SORCS1: variants seen among roughly 807,000 people sequenced by gnomAD.
SORCS1 encodes the protein sortilin related VPS10 domain containing receptor 1, also known as VPS10 domain-containing receptor SorCS1.
Under a neutral mutation model 146.1 loss-of-function variants are expected in SORCS1, and 60 were observed. The ratio of observed to expected loss-of-function variants is 0.41; its 90% CI spans 0.33 to 0.51. The LOEUF is 0.51. SORCS1 is among the 20% of genes least tolerant of loss of function. The pLI is 0.21. For missense variants in SORCS1, 1,352 were observed against 1,487.6 expected, an observed-to-expected ratio of 0.91 and a Z score of 1.50; for synonymous variants, 637 against 584.0, an observed-to-expected ratio of 1.09 and a Z score of -1.31.
intron 5 of SORCS1, among the ~76,000 whole-genome samples, chr10:106,736,992 C>T (rs1194897417): frequency 1.3e-5 from 2 of 152,106 alleles, no homozygotes; most frequent in Non-Finnish European, 2.9e-5. Context: ...CCTTACTCCC[C>T]AAGCCAGAAG....
At chr10:107,152,465 A>C (rs1645777191) in intron 1 of SORCS1, among the ~76,000 whole-genome samples, 1 of 152,114 alleles carries the variant, frequency 6.6e-6, no homozygotes, top group Admixed American at 6.5e-5. Context: ...AGCTACAGAC[A>C]CTCAATGCCA....
chr10:106,714,813 C>T (rs1191169270), intron 6 of SORCS1, among the ~76,000 whole-genome samples: 2 of 152,172 alleles, frequency 1.3e-5, no homozygotes, highest in African/African-American at 4.8e-5. Context: ...GTGAGATCAA[C>T]TGTCTCTAAT....
At chr10:107,179,668 C>A in the SORCS1 span, among the ~76,000 whole-genome samples, 1 of 152,050 alleles carries the variant, frequency 6.6e-6, no homozygotes, top group African/African-American at 2.4e-5. Flanking sequence ...ATTTGCATTT[C>A]TCTTATGGAT....
chr10:106,667,922 AAC>A (rs1447095925), intron 16 of SORCS1, 120 bp from the exon 17 acceptor site: 11 of 494,296 alleles, frequency 2.2e-5, no homozygotes, highest in South Asian at 4.8e-5. Context: ...CAAAAATAAA[AAC>A]AAAAAAAAAA....
intron 9 of SORCS1, among the ~76,000 whole-genome samples, chr10:106,693,109 T>G (rs574890524): frequency 6.6e-6 from 1 of 152,288 alleles, no homozygotes; most frequent in African/African-American, 2.4e-5. Flanking sequence ...AGTTCCAATA[T>G]ATCTCATTAT....
chr10:107,024,366 C>A (rs1958299952), intron 1 of SORCS1, among the ~76,000 whole-genome samples: 1 of 151,812 alleles, frequency 6.6e-6, no homozygotes, highest in African/African-American at 2.4e-5. Flanking sequence ...AAGAGAGTTA[C>A]CAGGCTCTTT....
chr10:106,584,677 G>A (rs1184050947), intron 24 of SORCS1, among the ~76,000 whole-genome samples: 1 of 152,194 alleles, frequency 6.6e-6, no homozygotes, highest in Non-Finnish European at 1.5e-5. Flanking sequence ...AGTGCTAACT[G>A]ATTAATGAAT....
intron 1 of SORCS1, among the ~76,000 whole-genome samples, chr10:106,958,491 C>T (rs822093): frequency 0.23 from 35,659 of 152,102 alleles, 7,132 homozygotes; most frequent in African/African-American, 0.51. Flanking sequence ...TCAGTGAACA[C>T]ATTCTTAACT....
At position 106,577,526 on chromosome 10, in the gene SORCS1, G is replaced by C. The variant is rs2133181025; in HGVS notation, c.3401C>G (p.Pro1134Arg). Reference protein sequence around the residue: ...RRVALPSPPSPSTQPGDSSLR... With the variant: ...RRVALPSPPSRSTQPGDSSLR... Reference sequence around the variant, plus strand: ...AGATGAGTCACCAGGTTGAGTAGAAGGGGAGGGAGGGGAGGGTAAAGCTAC... The same window carrying C: ...AGATGAGTCACCAGGTTGAGTAGAACGGGAGGGAGGGGAGGGTAAAGCTAC... Residue 1134 changes from proline to arginine, a missense_variant, in exon 26 of 26, where the codon CCT (proline) becomes CGT (arginine). Physicochemically the swap from Pro to Arg is moderately radical, Grantham distance 103. This residue lies in a region of SORCS1 where 214 missense variants were observed against 204.8 expected (regional missense o/e 1.05). Transcript: ENST00000263054. The C allele has an allele frequency of 1.9e-6, 3 of 1,609,934 alleles. 1 individual carries two copies. In the East Asian group the frequency reaches 6.7e-5, roughly 36 times the overall value.
intron 3 of SORCS1, among the ~76,000 whole-genome samples, chr10:106,784,680 C>T (rs996841953): frequency 6.6e-6 from 1 of 152,066 alleles, no homozygotes; most frequent in African/African-American, 2.4e-5. Context: ...TCAGAAGGAG[C>T]CATGATGCTA....
intron 2 of SORCS1, among the ~76,000 whole-genome samples, chr10:106,857,273 T>C (rs781258425): frequency 6.6e-6 from 1 of 152,198 alleles, no homozygotes; most frequent in Non-Finnish European, 1.5e-5. Context: ...ACAGATATCC[T>C]GCCCATCTCC....
chr10:106,843,407 T>C (rs1056732849), intron 2 of SORCS1, among the ~76,000 whole-genome samples: 10 of 150,908 alleles, frequency 6.6e-5, no homozygotes, highest in Non-Finnish European at 1.3e-4. Context: ...TTAATTCATG[T>C]TGCGGTAAAA....
intron 9 of SORCS1, among the ~76,000 whole-genome samples, chr10:106,688,709 A>G (rs1214627103): frequency 6.6e-6 from 1 of 152,172 alleles, no homozygotes; most frequent in African/African-American, 2.4e-5. Flanking sequence ...CTAGTGTAGC[A>G]CCCAGATCTC....
intron 2 of SORCS1, among the ~76,000 whole-genome samples, chr10:106,891,391 T>C (rs1951223552): frequency 1.3e-5 from 2 of 152,148 alleles, no homozygotes; most frequent in African/African-American, 4.8e-5. Context: ...ATACCCCTTG[T>C]ACAGTGAGTA....
chr10:106,887,556 G>A (rs953038857), intron 2 of SORCS1, among the ~76,000 whole-genome samples: 2 of 152,208 alleles, frequency 1.3e-5, no homozygotes, highest in East Asian at 1.9e-4. Flanking sequence ...CAGCCTACAC[G>A]ATGGAGCAAG....
At chr10:106,804,835 C>A (rs556219311) in intron 3 of SORCS1, among the ~76,000 whole-genome samples, 23 of 152,200 alleles carry the variant, frequency 1.5e-4, no homozygotes, top group African/African-American at 5.5e-4. Context: ...AAAAGAATAT[C>A]ATTGTTTCTA....
chr10:106,656,444 T>C (rs2135314027), intron 17 of SORCS1, among the ~76,000 whole-genome samples: 1 of 152,262 alleles, frequency 6.6e-6, no homozygotes, highest in Admixed American at 6.5e-5. Flanking sequence ...CCAGCTACTC[T>C]ACTCGGGAGG....
intron 2 of SORCS1, among the ~76,000 whole-genome samples, chr10:106,883,539 C>T (rs547161006): frequency 4.6e-5 from 7 of 152,134 alleles, no homozygotes; most frequent in East Asian, 3.9e-4. Context: ...CTCAGCCTCC[C>T]GCATAGCTGA....
chr10:106,604,146 T>A (rs1431299464), intron 23 of SORCS1, among the ~76,000 whole-genome samples: 1 of 152,186 alleles, frequency 6.6e-6, no homozygotes, highest in African/African-American at 2.4e-5. Flanking sequence ...TCCCATATGG[T>A]AGCCAGGAAA....
Sources: gnomAD v4.1 joint callset for allele counts (sites outside exome capture counted in the v4.1 genomes callset) on GRCh38, gnomAD v4.1.1 for gene constraint, gnomAD v4.1.1 regional missense constraint, MANE v1.5 for transcripts, NCBI Gene and HGNC (gene_info 2026-07-23, HGNC 2026-07-21) for gene names.